The following RBFOX2 variants were observed in gnomAD, a reference collection of about 807,000 sequenced individuals.
RBFOX2 encodes the protein RNA binding protein fox-1 homolog 2.
In RBFOX2, 10 loss-of-function variants were observed where a neutral mutation model predicts 49.1. The ratio of observed to expected loss-of-function variants is 0.20; its 90% CI spans 0.13 to 0.35. The LOEUF is 0.35. Ranked by LOEUF, RBFOX2 falls within the 10% of genes least tolerant of loss-of-function variation. The probability of loss-of-function intolerance (pLI) is 1.00; values close to 1 mark genes in which losing one functional copy is unlikely to be tolerated. For synonymous variants in RBFOX2, 183 were observed against 187.4 expected (o/e 0.98, Z 0.19); for missense variants, 323 against 486.9 (o/e 0.66, Z 3.17).
chr22:35,984,495 T>C (rs1403013814), intron 1 of RBFOX2, among the ~76,000 whole-genome samples: 4 of 152,212 alleles, frequency 2.6e-5, no homozygotes, highest in Non-Finnish European at 4.4e-5. Context: ...TTGTTTCACA[T>C]CTGTTATATA....
chr22:35,790,945 C>T (rs905471669), intron 2 of RBFOX2, among the ~76,000 whole-genome samples: 1 of 151,840 alleles, frequency 6.6e-6, no homozygotes, highest in Non-Finnish European at 1.5e-5. Context: ...GAGGTCAAGG[C>T]TGCAGTGAGC....
chr22:35,767,450 T>C (rs960141373), intron 5 of RBFOX2, among the ~76,000 whole-genome samples: 2 of 151,870 alleles, frequency 1.3e-5, no homozygotes. Context: ...TGCTAAACCA[T>C]TGGAAAGGAG....
At chr22:35,753,144 CG>C (rs1298032564) in intron 9 of RBFOX2, among the ~76,000 whole-genome samples, 1 of 152,212 alleles carries the variant, frequency 6.6e-6, no homozygotes, top group African/African-American at 2.4e-5. Context: ...AGCTCCGATT[CG>C]GTGCACTTTT....
intron 2 of RBFOX2, among the ~76,000 whole-genome samples, chr22:35,791,570 T>C (rs537521523): frequency 1.3e-5 from 2 of 152,338 alleles, no homozygotes; most frequent in African/African-American, 4.8e-5. Context: ...TGAAAGTACA[T>C]TCATTTCAAA....
At chr22:35,930,933 T>C (rs1460688511) in intron 1 of RBFOX2, among the ~76,000 whole-genome samples, 1 of 152,216 alleles carries the variant, frequency 6.6e-6, no homozygotes, top group Non-Finnish European at 1.5e-5. Context: ...AACAGCAGAA[T>C]AAGCATATTA....
chr22:35,805,457 T>C (rs1367662637), intron 2 of RBFOX2, among the ~76,000 whole-genome samples: 1 of 152,082 alleles, frequency 6.6e-6, no homozygotes, highest in East Asian at 1.9e-4. Context: ...TCTATTAGAA[T>C]GGCCAAAATC....
chr22:35,746,037 A>G, intron 10 of RBFOX2, 42 bp from the exon 13 acceptor site: 1 of 1,533,432 alleles, frequency 6.5e-7, no homozygotes, highest in African/African-American at 1.4e-5. Flanking sequence ...AGAAAAGTGT[A>G]TGATCTAAAA....
chr22:36,026,534 GAATA>G (rs1341088685), intron 1 of RBFOX2, among the ~76,000 whole-genome samples: 7 of 129,148 alleles, frequency 5.4e-5, no homozygotes, highest in East Asian at 2.1e-4. Flanking sequence ...AATGATAAAT[GAATA>G]CATACACACA....
In RBFOX2 at chr22:36,002,519, A is replaced by G. The variant is rs2058467277; in HGVS notation, c.186+25721T>C. Among the ~76,000 whole-genome samples the G allele has an allele frequency of 5.9e-5, 9 of 152,380 alleles. No homozygotes were observed. In the South Asian group the frequency reaches 1.9e-3, roughly 32 times the overall value. ...AAAATAATGAAGATTCCTTTGGTAT[A>G]CAAACGGGGTATATATCTATAAACA... On this transcript the variant is annotated intron_variant, in intron 1 of 13. Transcript: ENST00000438146.
intron 1 of RBFOX2, among the ~76,000 whole-genome samples, chr22:35,931,365 G>A (rs540273529): frequency 7.3e-5 from 11 of 151,246 alleles, no homozygotes; most frequent in East Asian, 1.9e-4. Flanking sequence ...TATAGATTGC[G>A]AGATACAGAA....
intron 3 of RBFOX2, 140 bp from the exon 5 acceptor site, chr22:35,778,218 G>T: frequency 1.4e-6 from 1 of 702,824 alleles, no homozygotes; most frequent in Non-Finnish European, 2.4e-6. Context: ...TTGTTAGTAA[G>T]TTCCAATACC....
At chr22:36,026,266 AAAAG>A (rs1405436818) in intron 1 of RBFOX2, among the ~76,000 whole-genome samples, 1 of 151,986 alleles carries the variant, frequency 6.6e-6, no homozygotes, top group Non-Finnish European at 1.5e-5. Flanking sequence ...AAAAAAAAAA[AAAAG>A]AGAATGTATA....
At chr22:35,978,077 G>A (rs2057285004) in intron 1 of RBFOX2, among the ~76,000 whole-genome samples, 1 of 152,088 alleles carries the variant, frequency 6.6e-6, no homozygotes, top group African/African-American at 2.4e-5. Flanking sequence ...AGGGTACAGA[G>A]GTGGTGGAGT....
In RBFOX2 at chr22:35,847,202, A is replaced by G. The variant is rs1017991192; in HGVS notation, c.-33-37198T>C. The stretch of plus-strand genomic sequence containing the variant: ...GGCCAGACTAGGTTCTACGAAAATT[A>G]TAACTAATAAAATAATCATTTTCAA... On this transcript the variant is annotated intron_variant, in intron 1 of 13. Coordinates refer to the RBFOX2 transcript ENST00000359369. 6.6e-5 allele frequency among the ~76,000 whole-genome samples: 10 copies of G among 152,344 alleles called. No individual in the cohort carries two copies. In the East Asian group the frequency reaches 1.9e-3, roughly 29 times the overall value.
intron 1 of RBFOX2, among the ~76,000 whole-genome samples, chr22:35,886,868 G>A (rs1276653985): frequency 1.3e-5 from 2 of 152,120 alleles, no homozygotes; most frequent in African/African-American, 4.8e-5. Context: ...AGGAGAAAGG[G>A]GAGTTAGTGA....
At chr22:35,923,015 A>G (rs1295391975) in intron 1 of RBFOX2, among the ~76,000 whole-genome samples, 2 of 152,350 alleles carry the variant, frequency 1.3e-5, no homozygotes, top group East Asian at 1.9e-4. Flanking sequence ...ACTTCCCCCA[A>G]CATTTAGTGT....
intron 1 of RBFOX2, chr22:35,994,181 T>C (rs913093660): frequency 4.9e-5 from 7 of 142,702 alleles, no homozygotes; most frequent in Non-Finnish European, 3.1e-5. Context: ...TTAAAAATGG[T>C]AAAAAAAAAA....
intron 1 of RBFOX2, among the ~76,000 whole-genome samples, chr22:35,902,303 A>G (rs894633189): frequency 3.9e-5 from 6 of 152,076 alleles, no homozygotes; most frequent in African/African-American, 1.4e-4. Context: ...GCCGTGTTCC[A>G]TAATTACAAT....
chr22:35,881,992 G>T (rs560726382), intron 1 of RBFOX2, among the ~76,000 whole-genome samples: 5 of 130,578 alleles, frequency 3.8e-5, no homozygotes, highest in African/African-American at 1.4e-4. Context: ...AAAGAAAAAA[G>T]AAAAAAAAAA....
Sources: gnomAD v4.1 joint callset for allele counts (sites outside exome capture counted in the v4.1 genomes callset) on GRCh38, gnomAD v4.1.1 for gene constraint, MANE v1.5 for transcripts, NCBI Gene and HGNC (gene_info 2026-07-23, HGNC 2026-07-21) for gene names.